The following SLC7A2 variants were observed in gnomAD, a reference collection of about 807,000 sequenced individuals.
SLC7A2 encodes cationic amino acid transporter 2.
SLC7A2 carries 48 observed loss-of-function variants against 58.9 expected under a neutral mutation model. The ratio of observed to expected loss-of-function variants is 0.82; its 90% CI spans 0.65 to 1.04. The LOEUF is 1.04. Among genes scored for constraint, SLC7A2 ranks in the 50% least tolerant of loss-of-function variants. SLC7A2 has a pLI of 0.00. For synonymous variants in SLC7A2, 363 were observed against 314.5 expected, an observed-to-expected ratio of 1.15 and a Z score of -1.63; for missense variants, 1,029 against 818.8, an observed-to-expected ratio of 1.26 and a Z score of -3.13.
intron 1 of SLC7A2, 138 bp downstream of exon 1, chr8:17,497,375 G>C (rs1450904107): frequency 1.3e-5 from 2 of 152,168 alleles, no homozygotes; most frequent in Non-Finnish European, 2.9e-5. Context: ...TCCCGGGGAC[G>C]AGTCCAGCTG....
At position 17,548,686 on chromosome 8, in the gene SLC7A2, T is replaced by C. The variant is rs1434852679; in HGVS notation, c.541T>C (p.Ser181Pro). The stretch of plus-strand genomic sequence containing the variant: ...ATGCCCTTTTTCCATAGGTCTTTTG[T>C]CTTTTGGAGTAAAAGAGTCTGCTTG... ...CLILLLAGLL[S>P]FGVKESAWVN... The change falls in exon 5 of 13, where the codon TCT becomes CCT. Residue 181 changes from serine (S) to proline (P), a missense_variant. Ser to Pro is a moderately conservative substitution (Grantham distance 74, BLOSUM62 -1). Coordinates refer to ENST00000494857, the MANE Select transcript of SLC7A2 (RefSeq NM_001370338.1). 3.1e-6 allele frequency: 5 copies of C among 1,598,458 alleles called. No homozygotes were observed. The highest frequency in any genetic ancestry group is 4.3e-6 in the Non-Finnish European group (5 of 1,175,308).
Position 17,562,032 on chromosome 8 carries a change from G to A in SLC7A2, c.1593G>A (p.Ala531=), listed in dbSNP as rs762739410. ...RLEAWSLALL[A]LFLVLFVAIV... ...AGGCCTGGAGCCTCGCTCTCCTCGC[G>A]CTGTTTCTTGTTCTCTTCGTTGCCA... Residue 531 remains alanine (A), a synonymous_variant, in exon 11 of 13, where the codon GCG becomes GCA. Coordinates refer to ENST00000494857, the MANE Select transcript of SLC7A2 (RefSeq NM_001370338.1). 1.4e-4 allele frequency: 225 copies of A among 1,613,848 alleles called. No homozygotes were observed. Among genetic ancestry groups the A allele is most frequent in the Admixed American group, 1.7e-4 (10 of 59,992 alleles).
At chr8:17,526,874 T>A (rs1441390148) in intron 2 of SLC7A2, among the ~76,000 whole-genome samples, 1 of 152,174 alleles carries the variant, frequency 6.6e-6, no homozygotes, top group Non-Finnish European at 1.5e-5. Context: ...TTCAACATAA[T>A]GTATTAGGAT....
rs769794503 is a variant in SLC7A2 at position 17,551,796 on chromosome 8, C to G, written c.865C>G (p.Pro289Ala). ...AGTTCGGAATCCCCAGAAAGCTATT[C>G]CCATTGGAATTGTGACGTCTTTGCT... ...EEVRNPQKAI[P>A]IGIVTSLLVC... Residue 289 changes from proline (P) to alanine (A), a missense_variant, in exon 7 of 13, where the codon CCC (proline) becomes GCC (alanine). Coordinates refer to ENST00000494857, the MANE Select transcript of SLC7A2 (RefSeq NM_001370338.1). 4.3e-6 allele frequency: 7 copies of G among 1,613,746 alleles called. No homozygotes were observed. The Admixed American group carries it at 1.2e-4, about 27-fold the overall frequency.
At chr8:17,558,864 A>G (rs945525879) in intron 9 of SLC7A2, among the ~76,000 whole-genome samples, 1 of 152,230 alleles carries the variant, frequency 6.6e-6, no homozygotes, top group East Asian at 1.9e-4. Context: ...AGCAAATAAA[A>G]TGGTATTAAT....
chr8:17,505,839 T>C (rs532932039), intron 2 of SLC7A2, among the ~76,000 whole-genome samples: 4 of 152,196 alleles, frequency 2.6e-5, no homozygotes, highest in Admixed American at 6.5e-5. Context: ...TGAGTAGAAC[T>C]GAATCATACT....
chr8:17,554,543 GT>G lies in SLC7A2; in HGVS notation c.1056-14del, dbSNP rs1465254212. The G allele has an allele frequency of 6.3e-7, 1 of 1,577,390 alleles. No individual in the cohort carries two copies. Among genetic ancestry groups the G allele is most frequent in the Admixed American group, 1.9e-5 (1 of 51,356 alleles). The stretch of plus-strand genomic sequence containing the variant: ...CATGAATGTTTGCCATACTGCATGT[GT>G]TTGCTTTTTATTCAGTCTTCTTGGA... On this transcript the variant is annotated splice_polypyrimidine_tract_variant and intron_variant, in intron 7 of 12. Coordinates refer to ENST00000494857, the MANE Select transcript of SLC7A2 (RefSeq NM_001370338.1).
At chr8:17,517,821 G>A (rs1233148327) in intron 2 of SLC7A2, among the ~76,000 whole-genome samples, 1 of 152,006 alleles carries the variant, frequency 6.6e-6, no homozygotes, top group Non-Finnish European at 1.5e-5. Context: ...CGGAGTGTTA[G>A]GGGGCTGCCG....
At chr8:17,501,468 C>T (rs1406088036) in intron 1 of SLC7A2, among the ~76,000 whole-genome samples, 2 of 152,072 alleles carry the variant, frequency 1.3e-5, no homozygotes, top group Non-Finnish European at 2.9e-5. Context: ...GGTCACGTCT[C>T]TTATTTAGAC....
chr8:17,501,881 T>TAA (rs10583339), intron 1 of SLC7A2, among the ~76,000 whole-genome samples: 7 of 142,342 alleles, frequency 4.9e-5, no homozygotes, highest in Non-Finnish European at 4.6e-5. Context: ...AACAGGAGCT[T>TAA]AAAAAAAAAA....
chr8:17,552,402 T>G (rs1802497256), intron 7 of SLC7A2, among the ~76,000 whole-genome samples: 2 of 152,228 alleles, frequency 1.3e-5, no homozygotes, highest in Admixed American at 6.5e-5. Flanking sequence ...GACCTTGCAT[T>G]TGCCACACTC....
At chr8:17,515,228 C>T (rs186035199) in intron 2 of SLC7A2, among the ~76,000 whole-genome samples, 1 of 151,970 alleles carries the variant, frequency 6.6e-6, no homozygotes, top group Non-Finnish European at 1.5e-5. Flanking sequence ...ATAATGAGGA[C>T]ATAGCTTGTG....
intron 2 of SLC7A2, among the ~76,000 whole-genome samples, chr8:17,530,820 C>T (rs1008647811): frequency 6.6e-6 from 1 of 152,134 alleles, no homozygotes; most frequent in African/African-American, 2.4e-5. Context: ...GATCCTCCTG[C>T]CTTGGCCCCC....
intron 2 of SLC7A2, among the ~76,000 whole-genome samples, chr8:17,537,601 T>C (rs999862107): frequency 1.3e-5 from 2 of 152,088 alleles, no homozygotes; most frequent in Admixed American, 6.5e-5. Context: ...CAGGAGGCAG[T>C]GGCGGGATCC....
At chr8:17,503,566 A>G (rs1800252466) in intron 2 of SLC7A2, among the ~76,000 whole-genome samples, 1 of 151,854 alleles carries the variant, frequency 6.6e-6, no homozygotes, top group African/African-American at 2.4e-5. Flanking sequence ...TTCAAATGGC[A>G]ACTCTTCATG....
intron 8 of SLC7A2, among the ~76,000 whole-genome samples, chr8:17,556,903 C>T (rs1768822146): frequency 6.6e-6 from 1 of 152,072 alleles, no homozygotes; most frequent in Non-Finnish European, 1.5e-5. Context: ...ACCTCTGTGC[C>T]CAGCAAAGAA....
At chr8:17,494,164 A>T (rs1799908173), upstream of SLC7A2, among the ~76,000 whole-genome samples, 3 of 152,126 alleles carry the variant, frequency 2.0e-5, no homozygotes, top group South Asian at 6.2e-4. Context: ...ACAAATTAGA[A>T]CTAGTAAGAA....
At chr8:17,509,036 C>T (rs1167250580) in intron 2 of SLC7A2, among the ~76,000 whole-genome samples, 2 of 152,050 alleles carry the variant, frequency 1.3e-5, no homozygotes, top group Admixed American at 1.3e-4. Flanking sequence ...AATGATATTA[C>T]TAAAGTGGAG....
chr8:17,520,541 T>C (rs1401810180), intron 2 of SLC7A2, among the ~76,000 whole-genome samples: 2 of 146,832 alleles, frequency 1.4e-5, no homozygotes. Context: ...CTTGGGAGAT[T>C]GAGGCACGAG....
Sources: allele counts gnomAD v4.1 joint callset (sites outside exome capture counted in the v4.1 genomes callset), GRCh38; gene constraint gnomAD v4.1.1; transcripts MANE v1.5; gene names NCBI Gene and HGNC (gene_info 2026-07-23, HGNC 2026-07-21).